Variants in RAD54L2 observed in about 807,000 individuals in gnomAD.
RAD54L2 encodes RAD54 like 2.
Under a neutral mutation model 138.4 loss-of-function variants are expected in RAD54L2, and 27 were observed. The observed-to-expected ratio is 0.20, with a 90% confidence interval of 0.14 to 0.27. The LOEUF (loss-of-function observed/expected upper bound fraction) is 0.27, where lower values mean the gene tolerates loss of function less well. RAD54L2 is among the 10% of genes least tolerant of loss of function. The pLI is 1.00. For synonymous variants in RAD54L2, 644 were observed against 723.2 expected (o/e 0.89, Z 1.76); for missense variants, 1,396 against 1,890.2 (o/e 0.74, Z 4.85).
At chr3:51,653,796 G>C (rs955285805) in intron 19 of RAD54L2, among the ~76,000 whole-genome samples, 1 of 152,136 alleles carries the variant, frequency 6.6e-6, no homozygotes, top group African/African-American at 2.4e-5. Context: ...TGGGGGGATG[G>C]GGGAGGGATA....
At chr3:51,554,224 G>A (rs955876056) in intron 2 of RAD54L2, among the ~76,000 whole-genome samples, 5 of 152,028 alleles carry the variant, frequency 3.3e-5, no homozygotes, top group Non-Finnish European at 7.4e-5. Flanking sequence ...AAAATTAGCC[G>A]GGTGTGGTGG....
At chr3:51,660,614 T>C (rs1171772469) in intron 22 of RAD54L2, among the ~76,000 whole-genome samples, 5 of 142,976 alleles carry the variant, frequency 3.5e-5, no homozygotes, top group African/African-American at 1.3e-4. Flanking sequence ...CCCAGCCTTT[T>C]TGTTTTGTTT....
intron 3 of RAD54L2, among the ~76,000 whole-genome samples, chr3:51,604,662 C>G (rs183817514): frequency 6.6e-6 from 1 of 152,120 alleles, no homozygotes; most frequent in Admixed American, 6.6e-5. Context: ...AGTTTATGTT[C>G]GCAAGGTGAC....
At chr3:51,608,247 A>C (rs1277838293) in intron 3 of RAD54L2, among the ~76,000 whole-genome samples, 12 of 143,314 alleles carry the variant, frequency 8.4e-5, no homozygotes. Flanking sequence ...GGGCAGAGGC[A>C]CTCCCCACAT....
In RAD54L2 at chr3:51,548,726, T is replaced by A. The variant is rs138380119; in HGVS notation, c.-55+7076T>A. Reference sequence around the variant, plus strand: ...AGTTTGGGATGACAGTCACCCCTTATTTCAGGCTGCTGGCCAATAGAGGAT... The same window carrying A: ...AGTTTGGGATGACAGTCACCCCTTAATTCAGGCTGCTGGCCAATAGAGGAT... On this transcript the variant is annotated intron_variant, in intron 2 of 22. Transcript: ENST00000684192. Among the ~76,000 whole-genome samples the A allele has an allele frequency of 1.3e-4, 20 of 152,260 alleles. No homozygotes were observed. In the East Asian group the frequency reaches 3.9e-3, roughly 29 times the overall value.
intron 2 of RAD54L2, among the ~76,000 whole-genome samples, chr3:51,583,586 ATT>A (rs34377858): frequency 1.4e-4 from 19 of 132,032 alleles, no homozygotes; most frequent in South Asian, 2.4e-4. Context: ...CGCCCAGCTA[ATT>A]TTTTTTTTTT....
chr3:51,649,496 C>T (rs1701373064), intron 19 of RAD54L2, among the ~76,000 whole-genome samples: 1 of 152,108 alleles, frequency 6.6e-6, no homozygotes, highest in African/African-American at 2.4e-5. Context: ...ACATAATTGT[C>T]AGATTCACCA....
rs763796354 is a variant in RAD54L2 at position 51,645,828 on chromosome 3, G to T, written c.2829+65G>T. On this transcript the variant is annotated intron_variant, in intron 18 of 22. Transcript: ENST00000684192. This position sits in a 1 kb window ranked among gnomAD's most constrained non-coding sequence, Gnocchi z 6.1. Reference sequence around the variant, plus strand: ...CTCTCTGTCAAAGGAGGCTTGTCTTGTAAGCTTTTTTCTTCATCTGAGGTG... The same window carrying T: ...CTCTCTGTCAAAGGAGGCTTGTCTTTTAAGCTTTTTTCTTCATCTGAGGTG... 4 of 1,477,436 alleles carry T rather than the reference G, an allele frequency of 2.7e-6. No homozygotes were observed. The highest frequency in any genetic ancestry group is 3.6e-6 in the Non-Finnish European group (4 of 1,105,072). 91.5% of individuals were successfully genotyped at this position (1,477,436 alleles called of 1,614,324 possible).
intron 18 of RAD54L2, 83 bp from the exon 19 acceptor site, chr3:51,646,202 C>T: frequency 7.8e-7 from 1 of 1,285,450 alleles, no homozygotes; most frequent in Non-Finnish European, 1.1e-6. Flanking sequence ...TGGAGACAGC[C>T]AGCTCTTTTC....
At position 51,637,641 on chromosome 3, in the gene RAD54L2, G is replaced by C; in HGVS notation, c.1682+138G>C. ...GGGCAGTAGTAAAACTTTGCTTCCT[G>C]TGACAAGCTAGCAGATGGTGGATAT... On this transcript the variant is annotated intron_variant, in intron 11 of 22. Coordinates refer to ENST00000684192, the MANE Select transcript of RAD54L2 (RefSeq NM_015106.4). This position sits in a 1 kb window ranked among gnomAD's most constrained non-coding sequence, Gnocchi z 5.9. The C allele has an allele frequency of 1.2e-6, 1 of 842,234 alleles. No homozygotes were observed. Among genetic ancestry groups the C allele is most frequent in the South Asian group, 1.8e-5 (1 of 54,224 alleles). 52.2% of individuals were successfully genotyped at this position (842,234 alleles called of 1,614,324 possible).
At chr3:51,610,210 C>T (rs1700296464) in intron 3 of RAD54L2, among the ~76,000 whole-genome samples, 1 of 152,122 alleles carries the variant, frequency 6.6e-6, no homozygotes, top group Non-Finnish European at 1.5e-5. Flanking sequence ...TAACATAAGA[C>T]TTTACCTGTC....
In RAD54L2 at chr3:51,641,807, T is replaced by C. The variant is rs748702043; in HGVS notation, c.2290T>C (p.Cys764Arg). ...EEFLGKREVP[C>R]PPGTEGQGAQ... ...ATTCCTTGGAAAACGAGAAGTACCC[T>C]GTCCACCTGGTACCGAGGGGCAAGG... Residue 764 changes from cysteine (C) to arginine (R), a missense_variant, in exon 15 of 23, where the codon TGT becomes CGT. Cys to Arg is a radical substitution (Grantham distance 180). This residue lies in a region of RAD54L2 where 211 missense variants were observed against 273.8 expected (regional missense o/e 0.77). Coordinates refer to ENST00000684192, the MANE Select transcript of RAD54L2 (RefSeq NM_015106.4). The C allele has an allele frequency of 1.2e-6, 2 of 1,601,342 alleles. No individual in the cohort carries two copies. The highest frequency in any genetic ancestry group is 2.3e-5 in the East Asian group (1 of 44,434).
At chr3:51,594,066 C>CTTTTTTTTTTTTTTTTTTT (rs904101025) in intron 3 of RAD54L2, among the ~76,000 whole-genome samples, 17 of 105,130 alleles carry the variant, frequency 1.6e-4, no homozygotes, top group East Asian at 8.5e-4. Context: ...TTTTCTTTTT[C>CTTTTTTTTTTTTTTTTTTT]TTTTTTTTTT....
intron 2 of RAD54L2, among the ~76,000 whole-genome samples, chr3:51,559,527 C>T (rs1699052060): frequency 6.6e-6 from 1 of 152,172 alleles, no homozygotes; most frequent in Non-Finnish European, 1.5e-5. Flanking sequence ...TGGGTCTTTG[C>T]ATCTGGGTTA....
Position 51,637,288 on chromosome 3 carries a change from G to A in RAD54L2, c.1467G>A (p.Val489=), listed in dbSNP as rs1415475503. The change falls in exon 11 of 23, where the codon GTG becomes GTA. Residue 489 remains valine, a synonymous_variant. Transcript: ENST00000684192. The surrounding 1 kb of genome is among the most constrained non-coding windows in gnomAD (Gnocchi z 5.9). ...LKNIRSRRRV[V]LTGYPLQNNL... The stretch of plus-strand genomic sequence containing the variant: ...ATATCCGCTCTCGCCGCCGGGTGGT[G>A]CTGACTGGGTACCCTCTGCAAAACA... 3 of 1,612,044 alleles carry A rather than the reference G, an allele frequency of 1.9e-6. No individual in the cohort carries two copies. Among genetic ancestry groups the A allele is most frequent in the African/African-American group, 1.3e-5 (1 of 75,046 alleles).
chr3:51,554,313 G>A (rs919210759), intron 2 of RAD54L2, among the ~76,000 whole-genome samples: 1 of 151,190 alleles, frequency 6.6e-6, no homozygotes, highest in East Asian at 1.9e-4. Context: ...GTTGCAGTGA[G>A]CTGAGATCAT....
chr3:51,630,429 G>T (rs763171732), intron 6 of RAD54L2, 41 bp downstream of exon 6: 6 of 1,539,524 alleles, frequency 3.9e-6, no homozygotes, highest in Non-Finnish European at 5.4e-6. Context: ...CCGACCTGGT[G>T]TTCATGCTGA....
chr3:51,659,261 A>G (rs1353200105), intron 21 of RAD54L2, among the ~76,000 whole-genome samples: 2 of 151,222 alleles, frequency 1.3e-5, no homozygotes, highest in Non-Finnish European at 2.9e-5. Flanking sequence ...GCCCACCACC[A>G]CGCCCGGCTA....
At chr3:51,562,615 C>T (rs573105151) in intron 2 of RAD54L2, among the ~76,000 whole-genome samples, 3 of 152,254 alleles carry the variant, frequency 2.0e-5, no homozygotes, top group East Asian at 1.9e-4. Flanking sequence ...GGAGGTCACC[C>T]GCCTTGGCCT....
Sources: allele counts gnomAD v4.1 joint callset (sites outside exome capture counted in the v4.1 genomes callset), GRCh38; gene constraint gnomAD v4.1.1; regional missense constraint gnomAD v4.1.1; non-coding constraint Gnocchi (gnomAD v3.1); transcripts MANE v1.5; gene names NCBI Gene and HGNC (gene_info 2026-07-23, HGNC 2026-07-21).